The following AMPH variants were observed in gnomAD, a reference collection of about 807,000 sequenced individuals.
The protein encoded by AMPH is amphiphysin.
In AMPH, 49 loss-of-function variants were observed where a neutral mutation model predicts 99.1. The observed-to-expected ratio is 0.49, with a 90% CI of 0.39 to 0.63. The LOEUF (loss-of-function observed/expected upper bound fraction) is 0.63. Ranked by LOEUF, AMPH falls within the 20% of genes least tolerant of loss-of-function variation. The probability of loss-of-function intolerance (pLI) is 0.00; values close to 1 mark genes in which losing one functional copy is unlikely to be tolerated. For missense variants in AMPH, 759 were observed against 863.4 expected (o/e 0.88, Z 1.52); for synonymous variants, 314 against 317.3 (o/e 0.99, Z 0.11).
chr7:38,419,735 A>G (rs758257560), intron 16 of AMPH, among the ~76,000 whole-genome samples: 10 of 152,226 alleles, frequency 6.6e-5, no homozygotes, highest in African/African-American at 9.6e-5. Flanking sequence ...AGAAAACACC[A>G]AGAAATCCAC....
chr7:38,560,021 T>C (rs1434508945), intron 1 of AMPH, among the ~76,000 whole-genome samples: 1 of 152,214 alleles, frequency 6.6e-6, no homozygotes, highest in Non-Finnish European at 1.5e-5. Context: ...TGGTATACTG[T>C]GGTTACAAAA....
intron 4 of AMPH, among the ~76,000 whole-genome samples, chr7:38,491,409 T>C (rs368004324): frequency 6.6e-5 from 10 of 152,186 alleles, no homozygotes; most frequent in African/African-American, 2.2e-4. Context: ...ATGCAGAAAC[T>C]TCAAAAGATC....
intron 7 of AMPH, among the ~76,000 whole-genome samples, chr7:38,467,835 T>C (rs1399212577): frequency 1.3e-5 from 2 of 151,864 alleles, no homozygotes; most frequent in Admixed American, 6.6e-5. Context: ...AGGAGAGCAA[T>C]GGGCCCTGTG....
At chr7:38,427,177 A>AG (rs1168472756) in intron 14 of AMPH, among the ~76,000 whole-genome samples, 191 bp from the exon 15 acceptor site, 7 of 151,884 alleles carry the variant, frequency 4.6e-5, no homozygotes, top group Non-Finnish European at 1.0e-4. Flanking sequence ...GGCTGACAAA[A>AG]AAAAAAAGAA....
At chr7:38,385,602 T>C (rs1784329839) in intron 20 of AMPH, among the ~76,000 whole-genome samples, 1 of 152,250 alleles carries the variant, frequency 6.6e-6, no homozygotes, top group Admixed American at 6.5e-5. Context: ...CAGTTGGATG[T>C]CATGGCATTC....
At chr7:38,607,928 T>C (rs1793490895) in intron 1 of AMPH, among the ~76,000 whole-genome samples, 1 of 152,372 alleles carries the variant, frequency 6.6e-6, no homozygotes, top group Admixed American at 6.5e-5. Context: ...AAAAGGCTGA[T>C]ATAAGTCAGT....
At chr7:38,534,294 A>T (rs185810283) in intron 2 of AMPH, among the ~76,000 whole-genome samples, 1 of 152,292 alleles carries the variant, frequency 6.6e-6, no homozygotes, top group Admixed American at 6.5e-5. Flanking sequence ...TTTTACCAGA[A>T]GTGTTAAACT....
intron 7 of AMPH, among the ~76,000 whole-genome samples, chr7:38,468,088 A>G (rs1299130303): frequency 3.3e-5 from 5 of 152,200 alleles, no homozygotes; most frequent in Admixed American, 3.3e-4. Flanking sequence ...TGCTGGTAAA[A>G]GGAGTGAACC....
chr7:38,503,501 G>GGC, intron 3 of AMPH, 149 bp downstream of exon 3: 1 of 540,364 alleles, frequency 1.9e-6, no homozygotes, highest in East Asian at 3.4e-5. Flanking sequence ...GGGGCGGGGG[G>GGC]GTGGGTGGTG....
intron 2 of AMPH, among the ~76,000 whole-genome samples, chr7:38,509,521 C>CG (rs1419239562): frequency 2.0e-5 from 3 of 152,192 alleles, no homozygotes; most frequent in Admixed American, 2.0e-4. Flanking sequence ...GATCTCCATT[C>CG]GGATCTTCTG....
At chr7:38,398,990 A>T (rs2392570) in intron 17 of AMPH, among the ~76,000 whole-genome samples, 34,023 of 144,580 alleles carry the variant, frequency 0.24, 4,000 homozygotes, top group Middle Eastern at 0.34. Context: ...CTCAGCTGTG[A>T]TTTTTGTCAC....
At chr7:38,406,725 C>CTCTCTCTCT (rs1293617761) in intron 17 of AMPH, among the ~76,000 whole-genome samples, 10 of 58,902 alleles carry the variant, frequency 1.7e-4, no homozygotes, top group African/African-American at 2.8e-4. Context: ...TCTCTCTCTC[C>CTCTCTCTCT]CTTTCCCTCT....
chr7:38,445,801 G>A (rs569777706), intron 11 of AMPH, among the ~76,000 whole-genome samples: 95 of 152,300 alleles, frequency 6.2e-4, no homozygotes, highest in African/African-American at 2.1e-3. Context: ...TTATCCCAGT[G>A]TTAGAGGTAG....
intron 14 of AMPH, chr7:38,428,595 T>C: frequency 2.2e-6 from 1 of 456,708 alleles, no homozygotes; most frequent in Non-Finnish European, 4.4e-6. Context: ...GTCTATTGCA[T>C]TTTTCTTTAT....
intron 7 of AMPH, among the ~76,000 whole-genome samples, chr7:38,468,252 A>G (rs1307871668): frequency 6.6e-6 from 1 of 152,238 alleles, no homozygotes; most frequent in Non-Finnish European, 1.5e-5. Context: ...TTCTTCAATT[A>G]AAGTTAACAC....
intron 2 of AMPH, among the ~76,000 whole-genome samples, chr7:38,516,445 C>A (rs908257332): frequency 1.3e-5 from 2 of 152,184 alleles, no homozygotes; most frequent in Admixed American, 6.5e-5. Context: ...GACTTCCATA[C>A]AGTGTTATGC....
intron 11 of AMPH, among the ~76,000 whole-genome samples, chr7:38,453,283 G>C (rs191262190): frequency 6.6e-6 from 1 of 152,212 alleles, no homozygotes; most frequent in Admixed American, 6.5e-5. Flanking sequence ...CAGCCAGTGA[G>C]ATATAAGAGG....
At chr7:38,488,884 C>A (rs1228133311) in intron 5 of AMPH, among the ~76,000 whole-genome samples, 13 of 152,104 alleles carry the variant, frequency 8.5e-5, no homozygotes, top group African/African-American at 2.9e-4. Flanking sequence ...GGTGCACAGA[C>A]TGAAAGACTT....
chr7:38,432,622 AC>A (rs1190012257), intron 12 of AMPH, among the ~76,000 whole-genome samples: 2 of 141,842 alleles, frequency 1.4e-5, no homozygotes, highest in African/African-American at 5.2e-5. Context: ...ACACACACAC[AC>A]CTCATTAAAA....
Sources: allele counts gnomAD v4.1 joint callset (sites outside exome capture counted in the v4.1 genomes callset), GRCh38; gene constraint gnomAD v4.1.1; transcripts MANE v1.5; gene names NCBI Gene and HGNC (gene_info 2026-07-23, HGNC 2026-07-21).